Variants in MAX observed in about 807,000 individuals in gnomAD.
The protein encoded by MAX is protein max.
MAX carries 3 observed loss-of-function variants against 22.3 expected under a neutral mutation model. The observed-to-expected ratio is 0.13, with a 90% confidence interval of 0.06 to 0.35. The LOEUF is 0.35. Ranked by LOEUF, MAX falls within the 10% of genes least tolerant of loss-of-function variation. The pLI is 1.00. For synonymous variants in MAX, 72 were observed against 77.7 expected (o/e 0.93, Z 0.39); for missense variants, 119 against 209.4 (o/e 0.57, Z 2.66).
At chr14:65,086,893 A>G (rs2063348240) in intron 3 of MAX, among the ~76,000 whole-genome samples, 1 of 152,204 alleles carries the variant, frequency 6.6e-6, no homozygotes, top group Non-Finnish European at 1.5e-5. Flanking sequence ...CCCATCACAG[A>G]CCCAGAGGCC....
intron 3 of MAX, among the ~76,000 whole-genome samples, chr14:65,051,583 C>G (rs2062612123): frequency 6.6e-6 from 1 of 151,490 alleles, no homozygotes; most frequent in Admixed American, 6.6e-5. Context: ...TGCCCTCCAA[C>G]CTGGGCAACA....
At chr14:65,048,371 GTACAAA>G (rs1242057842) in intron 3 of MAX, among the ~76,000 whole-genome samples, 3 of 150,754 alleles carry the variant, frequency 2.0e-5, no homozygotes, top group African/African-American at 7.3e-5. Context: ...TTTGGTAAAT[GTACAAA>G]TACATTTTTT....
At chr14:65,021,941 C>T (rs1027800969) in intron 3 of MAX, 25 of 455,920 alleles carry the variant, frequency 5.5e-5, no homozygotes, top group South Asian at 7.7e-5. Context: ...CCACTGCGCC[C>T]GGCCTATAGT....
rs544665695 is a variant in MAX at position 65,011,869 on chromosome 14, G to C, written c.172-5585C>G. On this transcript the variant is annotated intron_variant, in intron 3 of 3. Coordinates refer to the MAX transcript ENST00000341653. This position sits in a 1 kb window ranked among gnomAD's most constrained non-coding sequence, Gnocchi z 4.0. ...CAGGGAGTAAATTATGGGCCTTGGA[G>C]AAGTCATCCCAGACGGGGTGACTGA... Among the ~76,000 whole-genome samples, 3 of 152,322 alleles carry C rather than the reference G, an allele frequency of 2.0e-5. No individual in the cohort carries two copies. The highest frequency in any genetic ancestry group is 2.0e-4 in the Admixed American group (3 of 15,292).
chr14:65,006,518 C>G (rs1486205203), intron 3 of MAX, among the ~76,000 whole-genome samples: 1 of 152,188 alleles, frequency 6.6e-6, no homozygotes, highest in East Asian at 1.9e-4. Flanking sequence ...TAGGCACAAG[C>G]TGGTTCAAGC....
Position 65,093,771 on chromosome 14 carries a change from C to T in MAX, c.108G>A (p.Arg36=), listed in dbSNP as rs2139885374. 6.2e-7 allele frequency: 1 copy of T among 1,612,278 alleles called. No homozygotes were observed. Among genetic ancestry groups the T allele is most frequent in the Non-Finnish European group, 8.5e-7 (1 of 1,178,316 alleles). ...AHHNALERKR[R]DHIKDSFHSL... ...TGTGAAAGCTGTCTTTGATGTGGTC[C>T]CTACGTTTTCGTTCCAGTGCATTAT... Residue 36 remains arginine (R), a synonymous_variant, in exon 3 of 5, where the codon AGG becomes AGA. Coordinates refer to ENST00000358664, the MANE Select transcript of MAX (RefSeq NM_002382.5). The surrounding 1 kb of genome is among the most constrained non-coding windows in gnomAD (Gnocchi z 4.4).
In MAX at chr14:65,047,375, AC is replaced by A. The variant is rs540473107; in HGVS notation, c.172-41092del. 2.4e-3 allele frequency among the ~76,000 whole-genome samples: 368 copies of A among 152,346 alleles called. No homozygotes were observed. The highest frequency in any genetic ancestry group is 8.4e-3 in the African/African-American group (351 of 41,572). ...TGAATCCAGACTAGCTGGCATCTGA[AC>A]CCTGCCCTGCTCATAACCACAGTAG... On this transcript the variant is annotated intron_variant, in intron 3 of 3. Coordinates refer to the MAX transcript ENST00000341653. This position sits in a 1 kb window ranked among gnomAD's most constrained non-coding sequence, Gnocchi z 5.2.
Position 65,101,587 on chromosome 14 carries a change from A to G in MAX, c.37-15T>C, listed in dbSNP as rs746419310. On this transcript the variant is annotated splice_polypyrimidine_tract_variant and intron_variant, in intron 1 of 4. Transcript: ENST00000358664. The stretch of plus-strand genomic sequence containing the variant: ...GGTTGCTCTTCCTGGAATAAGAGAG[A>G]AAAAAAAAAATAGAAAATATAGAAG... 32 of 1,103,454 alleles carry G rather than the reference A, an allele frequency of 2.9e-5. No homozygotes were observed. In the Middle Eastern group the frequency reaches 1.3e-3, roughly 45 times the overall value. 68.4% of individuals were successfully genotyped at this position (1,103,454 alleles called of 1,614,324 possible).
chr14:65,021,641 A>G (rs921139980), intron 3 of MAX, among the ~76,000 whole-genome samples: 5 of 152,092 alleles, frequency 3.3e-5, no homozygotes, highest in African/African-American at 9.7e-5. Flanking sequence ...ACTCTGCTCT[A>G]AAGTAGCCAA....
intron 2 of MAX, chr14:65,094,232 C>T (rs1363593740): frequency 3.8e-6 from 1 of 261,706 alleles, no homozygotes; most frequent in Non-Finnish European, 7.6e-6. Flanking sequence ...AGAGATTCCC[C>T]AGATGGGTGT....
intron 3 of MAX, among the ~76,000 whole-genome samples, chr14:65,060,620 C>T (rs1335649935): frequency 6.6e-5 from 8 of 120,748 alleles, no homozygotes; most frequent in Admixed American, 1.5e-4. Flanking sequence ...GGCGTGAACC[C>T]GGGAGGCGGA....
Position 65,093,920 on chromosome 14 carries a change from G to A in MAX, c.64-105C>T. The stretch of plus-strand genomic sequence containing the variant: ...GTACACGCTGTCAGCACTGTCCCTG[G>A]CGAGTGGACTGGGAAGGATTTCTCG... On this transcript the variant is annotated intron_variant, in intron 2 of 4. Coordinates refer to ENST00000358664, the MANE Select transcript of MAX (RefSeq NM_002382.5). This position sits in a 1 kb window ranked among gnomAD's most constrained non-coding sequence, Gnocchi z 4.4. 1 of 768,040 alleles carries A rather than the reference G, an allele frequency of 1.3e-6. No individual in the cohort carries two copies. Among genetic ancestry groups the A allele is most frequent in the Non-Finnish European group, 2.4e-6 (1 of 419,124 alleles). The allele number at this position is 768,040 out of a possible 1,614,324, so 47.6% of individuals were successfully genotyped here. A position where few individuals can be genotyped will look rare whatever the true frequency, so the allele number is the denominator to read the frequency against.
At position 65,009,702 on chromosome 14, in the gene MAX, A is replaced by G. The variant is rs2061654731; in HGVS notation, c.172-3418T>C. Among the ~76,000 whole-genome samples, 1 of 151,998 alleles carries G rather than the reference A, an allele frequency of 6.6e-6. No individual in the cohort carries two copies. Among genetic ancestry groups the G allele is most frequent in the Non-Finnish European group, 1.5e-5 (1 of 68,014 alleles). On this transcript the variant is annotated intron_variant, in intron 3 of 3. Coordinates refer to the MAX transcript ENST00000341653. The surrounding 1 kb of genome is among the most constrained non-coding windows in gnomAD (Gnocchi z 4.2). ...GGAATTTCTCTGCTTACTGCCTTGTACTTTTGATCCAGCTGAACTAAACTA... is the reference window on the plus strand; with the variant it reads ...GGAATTTCTCTGCTTACTGCCTTGTGCTTTTGATCCAGCTGAACTAAACTA...
At chr14:65,059,801 C>G (rs1467130612) in intron 3 of MAX, among the ~76,000 whole-genome samples, 1 of 150,016 alleles carries the variant, frequency 6.7e-6, no homozygotes, top group Non-Finnish European at 1.5e-5. Context: ...TATGATCTGA[C>G]AGCCTTACTA....
At chr14:65,090,288 A>G (rs1457706123) in intron 3 of MAX, 1 of 152,130 alleles carries the variant, frequency 6.6e-6, no homozygotes, top group Non-Finnish European at 1.5e-5. Flanking sequence ...GTATAGGAAA[A>G]AGATGGAACT....
At position 65,027,456 on chromosome 14, in the gene MAX, G is replaced by A; in HGVS notation, c.172-21172C>T. 1 of 1,614,210 alleles carries A rather than the reference G, an allele frequency of 6.2e-7. No individual in the cohort carries two copies. The highest frequency in any genetic ancestry group is 8.5e-7 in the Non-Finnish European group (1 of 1,180,038). Reference sequence around the variant, plus strand: ...TGCCCTTTGGCTGTGTACCTAGTGTGTGTCAGTTCCTGGAGCTGTGTCAGA... The same window carrying A: ...TGCCCTTTGGCTGTGTACCTAGTGTATGTCAGTTCCTGGAGCTGTGTCAGA... On this transcript the variant is annotated intron_variant, in intron 3 of 3. Transcript: ENST00000341653. The surrounding 1 kb of genome is among the most constrained non-coding windows in gnomAD (Gnocchi z 5.7).
chr14:65,040,565 T>C (rs1322741281), intron 3 of MAX, among the ~76,000 whole-genome samples: 2 of 150,854 alleles, frequency 1.3e-5, no homozygotes, highest in African/African-American at 2.4e-5. Context: ...CTTAGTCTCC[T>C]GAGCAGCTGG....
At chr14:65,063,040 T>C (rs1369340037) in intron 3 of MAX, among the ~76,000 whole-genome samples, 3 of 152,228 alleles carry the variant, frequency 2.0e-5, no homozygotes, top group African/African-American at 7.2e-5. Flanking sequence ...GCTGGAACTC[T>C]GTGGCCACTT....
intron 3 of MAX, among the ~76,000 whole-genome samples, chr14:65,051,576 C>G (rs945141278): frequency 2.6e-5 from 4 of 151,584 alleles, no homozygotes. Context: ...GTGCCATTGC[C>G]CTCCAACCTG....
Sources: gnomAD v4.1 joint callset for allele counts (sites outside exome capture counted in the v4.1 genomes callset) on GRCh38, gnomAD v4.1.1 for gene constraint, Gnocchi (gnomAD v3.1) non-coding constraint, MANE v1.5 for transcripts, NCBI Gene and HGNC (gene_info 2026-07-23, HGNC 2026-07-21) for gene names.